DACH2: variants seen among roughly 807,000 people sequenced by gnomAD.
The protein encoded by DACH2 is dachshund homolog 2.
A neutral mutation model predicts 35.8 loss-of-function variants in DACH2; 17 were observed. That is an observed-to-expected ratio of 0.48 (90% CI 0.33 to 0.71). The LOEUF is 0.71. Ranked by LOEUF, DACH2 falls within the 30% of genes least tolerant of loss-of-function variation. The pLI, the probability that DACH2 is intolerant of heterozygous loss-of-function variation, is 0.02. For synonymous variants in DACH2, 195 were observed against 177.3 expected (o/e 1.10, Z -0.79); for missense variants, 469 against 472.7 (o/e 0.99, Z 0.07).
intron 7 of DACH2, among the ~76,000 whole-genome samples, chrX:86,771,684 T>C (rs2041989303): frequency 8.9e-6 from 1 of 111,964 alleles, no homozygotes; most frequent in South Asian, 3.7e-4. Flanking sequence ...CCAAGTTTTC[T>C]CATGACGCTG....
chrX:86,288,407 C>G (rs1207875760), intron 1 of DACH2, among the ~76,000 whole-genome samples: 1 of 111,698 alleles, frequency 9.0e-6, no homozygotes, highest in Non-Finnish European at 1.9e-5. Context: ...TATGTTTGCT[C>G]AAGGTCCTGG....
intron 1 of DACH2, among the ~76,000 whole-genome samples, chrX:86,255,926 C>T (rs1001301935): frequency 1.8e-5 from 2 of 110,795 alleles, no homozygotes; most frequent in African/African-American, 3.3e-5. Flanking sequence ...GGCAGGGTTA[C>T]AACTTTGTTA....
intron 1 of DACH2, among the ~76,000 whole-genome samples, chrX:86,335,469 T>A (rs998537211): frequency 2.7e-5 from 3 of 111,400 alleles, no homozygotes; most frequent in Non-Finnish European, 3.8e-5. Context: ...GTCCTTTACA[T>A]CCCTTGGAAG....
chrX:86,562,125 A>G (rs982014078), intron 3 of DACH2, among the ~76,000 whole-genome samples: 8 of 110,234 alleles, frequency 7.3e-5, no homozygotes, highest in African/African-American at 2.6e-4. Flanking sequence ...TGGGAGCAAG[A>G]TGATATTTTC....
chrX:86,612,307 C>T (rs914885222), intron 3 of DACH2, among the ~76,000 whole-genome samples: 1 of 107,918 alleles, frequency 9.3e-6, no homozygotes, highest in Non-Finnish European at 1.9e-5. Flanking sequence ...GCTGAAGCTC[C>T]ACCACCTGGT....
chrX:86,401,912 G>T (rs892611107), intron 2 of DACH2, among the ~76,000 whole-genome samples: 2 of 111,442 alleles, frequency 1.8e-5, no homozygotes, highest in Non-Finnish European at 3.8e-5. Context: ...ATTCACCACA[G>T]AAACAGAATT....
chrX:86,636,748 A>G (rs1394951811), intron 3 of DACH2, among the ~76,000 whole-genome samples: 1 of 111,222 alleles, frequency 9.0e-6, no homozygotes, highest in Non-Finnish European at 1.9e-5. Context: ...ACCCCAAACT[A>G]TAAAAACCCT....
At chrX:86,647,199 T>C (rs376994821) in intron 3 of DACH2, among the ~76,000 whole-genome samples, 1 of 110,398 alleles carries the variant, frequency 9.1e-6, no homozygotes, top group South Asian at 3.7e-4. Context: ...AAAATCATAA[T>C]CTTAAAGAAA....
intron 1 of DACH2, among the ~76,000 whole-genome samples, chrX:86,152,026 T>A (rs1229944025): frequency 1.8e-5 from 2 of 111,748 alleles, no homozygotes; most frequent in Non-Finnish European, 3.8e-5. Context: ...TCATGACTTC[T>A]TAGTGCTTCT....
chrX:86,231,536 C>A (rs960440504), intron 1 of DACH2, among the ~76,000 whole-genome samples: 2 of 111,065 alleles, frequency 1.8e-5, no homozygotes, highest in African/African-American at 6.6e-5. Context: ...CTGAGTCATG[C>A]AGGTTGTCAG....
chrX:86,380,557 A>C (rs1201218623), intron 2 of DACH2, among the ~76,000 whole-genome samples: 2 of 110,937 alleles, frequency 1.8e-5, no homozygotes, highest in East Asian at 5.6e-4. Flanking sequence ...AGGAAAGAGC[A>C]GGAAATACTG....
chrX:86,307,838 T>C (rs1431552710), intron 1 of DACH2, among the ~76,000 whole-genome samples: 2 of 111,606 alleles, frequency 1.8e-5, no homozygotes, highest in Non-Finnish European at 3.8e-5. Flanking sequence ...GGAATGGGAA[T>C]GGATACAAAG....
chrX:86,283,891 CACAT>C (rs1391911145), intron 1 of DACH2, among the ~76,000 whole-genome samples: 1 of 107,720 alleles, frequency 9.3e-6, no homozygotes, highest in Non-Finnish European at 1.9e-5. Flanking sequence ...CACACACACA[CACAT>C]ACACACACAC....
At chrX:86,416,093 C>A (rs1244200599) in intron 2 of DACH2, among the ~76,000 whole-genome samples, 1 of 111,855 alleles carries the variant, frequency 8.9e-6, no homozygotes, top group Non-Finnish European at 1.9e-5. Context: ...GGAGAAAAAT[C>A]AAGAAAATGT....
At chrX:86,615,850 G>A (rs567888652) in intron 3 of DACH2, among the ~76,000 whole-genome samples, 3 of 110,319 alleles carry the variant, frequency 2.7e-5, no homozygotes, top group African/African-American at 9.9e-5. Context: ...GGGGTTAGTT[G>A]TACAGATTAT....
At chrX:86,159,904 A>G (rs2030685898) in intron 1 of DACH2, among the ~76,000 whole-genome samples, 1 of 111,552 alleles carries the variant, frequency 9.0e-6, no homozygotes, top group Non-Finnish European at 1.9e-5. Context: ...TACTTATTCT[A>G]ATATTAAATT....
At chrX:86,563,554 G>T (rs1242835172) in intron 3 of DACH2, among the ~76,000 whole-genome samples, 1 of 110,786 alleles carries the variant, frequency 9.0e-6, no homozygotes, top group South Asian at 3.7e-4. Flanking sequence ...ATATAACAAT[G>T]CAAATATGAT....
chrX:86,431,101 G>T (rs190245271), intron 2 of DACH2, among the ~76,000 whole-genome samples: 2 of 111,305 alleles, frequency 1.8e-5, no homozygotes, highest in African/African-American at 6.5e-5. Context: ...AATAATCTAG[G>T]CATGGTAATC....
chrX:86,714,095 C>G (rs2041308890), intron 5 of DACH2, among the ~76,000 whole-genome samples: 1 of 111,572 alleles, frequency 9.0e-6, no homozygotes, highest in South Asian at 3.7e-4. Context: ...AGTTCTGAAG[C>G]TTAGAGAATC....
Sources: allele counts gnomAD v4.1 joint callset (sites outside exome capture counted in the v4.1 genomes callset), GRCh38; gene constraint gnomAD v4.1.1; transcripts MANE v1.5; gene names NCBI Gene and HGNC (gene_info 2026-07-23, HGNC 2026-07-21).